SHANK1: variants seen among roughly 807,000 people sequenced by gnomAD.
The protein encoded by SHANK1 is SH3 and multiple ankyrin repeat domains 1.
A neutral mutation model predicts 165.6 loss-of-function variants in SHANK1; 35 were observed. The ratio of observed to expected loss-of-function variants is 0.21; its 90% CI spans 0.16 to 0.28. The LOEUF is 0.28. Ranked by LOEUF, SHANK1 falls within the 10% of genes least tolerant of loss-of-function variation. The pLI, the probability that SHANK1 is intolerant of heterozygous loss-of-function variation, is 1.00. For synonymous variants in SHANK1, 1,428 were observed against 1,384.8 expected (o/e 1.03, Z -0.69); for missense variants, 2,681 against 3,036.4 (o/e 0.88, Z 2.75).
chr19:50,669,442 T>C (rs1426074224), intron 22 of SHANK1, among the ~76,000 whole-genome samples, 157 bp from the exon 23 acceptor site: 1 of 152,054 alleles, frequency 6.6e-6, no homozygotes, highest in Non-Finnish European at 1.5e-5. Context: ...CTATTTGAGG[T>C]AAACCCAAAT....
intron 15 of SHANK1, among the ~76,000 whole-genome samples, chr19:50,695,347 G>T (rs1048663463): frequency 1.3e-5 from 2 of 149,238 alleles, no homozygotes; most frequent in South Asian, 2.1e-4. Context: ...CTCCGGAGGC[G>T]GGCGGCGGGC....
rs1190229166 is a variant in SHANK1 at position 50,719,560 on chromosome 19, GGGGAGGGC to G, written c.-206_-199del. 1 of 146,754 alleles carries G rather than the reference GGGGAGGGC, an allele frequency of 6.8e-6. No homozygotes were observed. The highest frequency in any genetic ancestry group is 1.5e-5 in the Non-Finnish European group (1 of 65,506). 9.1% of individuals were successfully genotyped at this position (146,754 alleles called of 1,614,324 possible). ...GGGGAGGGGGCGGGCGGGGACCGGG[GGGGAGGGC>G]GGGAGGGCCGAGGACCTCACCCCCC... is the stretch of plus-strand genomic sequence containing the variant. On this transcript the variant is annotated 5_prime_UTR_variant, in exon 1 of 24. Coordinates refer to ENST00000293441, the MANE Select transcript of SHANK1 (RefSeq NM_016148.5).
At chr19:50,683,912 G>T (rs971414894) in intron 21 of SHANK1, among the ~76,000 whole-genome samples, 5 of 152,206 alleles carry the variant, frequency 3.3e-5, no homozygotes, top group Non-Finnish European at 5.9e-5. Context: ...TAGAAACTAT[G>T]ACGGACAGGA....
rs757341383 is a variant in SHANK1 at position 50,713,788 on chromosome 19, G to A, written c.792+10C>T. 37 of 1,611,834 alleles carry A rather than the reference G, an allele frequency of 2.3e-5. No homozygotes were observed. Among genetic ancestry groups the A allele is most frequent in the East Asian group, 6.7e-5 (3 of 44,852 alleles). On this transcript the variant is annotated intron_variant, in intron 6 of 23. Transcript: ENST00000293441. The surrounding 1 kb of genome is among the most constrained non-coding windows in gnomAD (Gnocchi z 6.2). ...CCCATGGCGGGGATGGGGGGTCCCCGAAGCCTCACCGTGAGTGCCAGGCAG... is the reference window on the plus strand; with the variant it reads ...CCCATGGCGGGGATGGGGGGTCCCCAAAGCCTCACCGTGAGTGCCAGGCAG...
In SHANK1 at chr19:50,660,722, TGG is replaced by T. The variant is rs796919361; in HGVS notation, c.*1241_*1242del. ...GGCTTCCGGAGAGCACTGAAAATGC[TGG>T]GGGGGGGGGCGCGTGTGCAAAAGCA... On this transcript the variant is annotated 3_prime_UTR_variant, in exon 24 of 24. Coordinates refer to ENST00000293441, the MANE Select transcript of SHANK1 (RefSeq NM_016148.5). 2.0e-4 allele frequency among the ~76,000 whole-genome samples: 11 copies of T among 54,616 alleles called. 1 individual carries two copies. Among genetic ancestry groups the T allele is most frequent in the African/African-American group, 9.6e-4 (11 of 11,496 alleles). The allele number at this position is 54,616 out of a possible 152,430, so 35.8% of individuals were successfully genotyped here.
chr19:50,666,549 G>T lies in SHANK1; in HGVS notation c.5411C>A (p.Ser1804Ter). Residue 1804 changes from serine (S) to a stop codon, truncating the protein, a stop_gained, in exon 23 of 24, where the codon TCA (serine) becomes TAA (stop). Coordinates refer to ENST00000293441, the MANE Select transcript of SHANK1 (RefSeq NM_016148.5). LOFTEE classifies it high-confidence loss of function. ...CGCCACGCCTGCCGTGGGGGGTCCT[G>T]AACAAGCACGCAGGGCCAGCAGCCC... is the stretch of plus-strand genomic sequence containing the variant. Reference protein sequence around the residue: ...TDGLLALRACSGPPTAGVAGG... With the variant: ...TDGLLALRAC 1 of 1,597,352 alleles carries T rather than the reference G, an allele frequency of 6.3e-7. No individual in the cohort carries two copies. The highest frequency in any genetic ancestry group is 1.1e-5 in the South Asian group (1 of 89,010).
intron 15 of SHANK1, among the ~76,000 whole-genome samples, chr19:50,696,225 C>G (rs959092295): frequency 1.2e-4 from 19 of 152,180 alleles, no homozygotes; most frequent in African/African-American, 4.3e-4. Flanking sequence ...CAGAGAGACA[C>G]TGGTAGACAA....
At chr19:50,678,761 A>AGG (rs1568431975) in intron 21 of SHANK1, among the ~76,000 whole-genome samples, 3 of 50,570 alleles carry the variant, frequency 5.9e-5, no homozygotes, top group Non-Finnish European at 3.5e-5. Context: ...TGATGGGGAA[A>AGG]GGTCAGGGTG....
intron 4 of SHANK1, among the ~76,000 whole-genome samples, chr19:50,714,498 C>T (rs1023045122): frequency 1.3e-5 from 2 of 152,000 alleles, no homozygotes; most frequent in African/African-American, 4.8e-5. Context: ...TCGAGACCAG[C>T]CTGAGCAACA....
intron 12 of SHANK1, among the ~76,000 whole-genome samples, chr19:50,701,821 C>T (rs1986924479): frequency 6.6e-6 from 1 of 152,206 alleles, no homozygotes; most frequent in African/African-American, 2.4e-5. Context: ...ACGTCAGCAG[C>T]CCTGCAAAGC....
At chr19:50,687,686 A>G in intron 18 of SHANK1, 24 bp from the exon 19 acceptor site, 1 of 1,466,576 alleles carries the variant, frequency 6.8e-7, no homozygotes, top group Non-Finnish European at 9.0e-7. Flanking sequence ...GAGGGGAGGC[A>G]TCAGTATCAT....
intron 21 of SHANK1, among the ~76,000 whole-genome samples, chr19:50,682,132 T>C (rs1986200575): frequency 6.6e-6 from 1 of 152,090 alleles, no homozygotes; most frequent in Non-Finnish European, 1.5e-5. Context: ...CTCGGCTCAC[T>C]GTAACCTCCA....
At chr19:50,687,523 T>C (rs1007424038) in intron 19 of SHANK1, 59 bp downstream of exon 19, 14 of 1,357,244 alleles carry the variant, frequency 1.0e-5, no homozygotes, top group African/African-American at 2.9e-5. Flanking sequence ...CAAGGGATGG[T>C]CCAGCCCTCC....
chr19:50,685,745 A>G lies in SHANK1; in HGVS notation c.2577+492T>C, dbSNP rs146965590. ...TCTCAAAATAAATAAATAAATAAAT[A>G]AAAATTGAAAAATAAAATAAAATGC... On this transcript the variant is annotated intron_variant, in intron 21 of 23. Transcript: ENST00000293441. Among the ~76,000 whole-genome samples the G allele has an allele frequency of 7.1e-3, 1,076 of 152,168 alleles. 14 individuals are homozygous for G. Among genetic ancestry groups the G allele is most frequent in the African/African-American group, 0.024 (1,007 of 41,500 alleles).
intron 16 of SHANK1, 88 bp downstream of exon 16, chr19:50,689,109 G>C: frequency 1.6e-6 from 2 of 1,219,500 alleles, no homozygotes; most frequent in African/African-American, 3.0e-5. Context: ...GGCGGGCTGG[G>C]GTCCCTTCCC....
At chr19:50,711,631 C>T (rs938311358) in intron 7 of SHANK1, 144 bp from the exon 8 acceptor site, 23 of 696,888 alleles carry the variant, frequency 3.3e-5, no homozygotes, top group Middle Eastern at 3.0e-4. Context: ...AGCCCCGCTT[C>T]CTGCTCTGGG....
At chr19:50,709,398 C>T (rs1317168075) in intron 8 of SHANK1, among the ~76,000 whole-genome samples, 1 of 152,144 alleles carries the variant, frequency 6.6e-6, no homozygotes, top group Non-Finnish European at 1.5e-5. Flanking sequence ...GCCTCGGCCT[C>T]CCAAAGTGCT....
intron 7 of SHANK1, 97 bp downstream of exon 7, chr19:50,711,850 G>A: frequency 7.3e-7 from 1 of 1,370,500 alleles, no homozygotes; most frequent in Non-Finnish European, 1.0e-6. Flanking sequence ...CCCATGCTCT[G>A]TGAGGACCCT....
At chr19:50,676,762 A>G (rs559162069) in intron 21 of SHANK1, among the ~76,000 whole-genome samples, 19 of 152,134 alleles carry the variant, frequency 1.2e-4, no homozygotes, top group Middle Eastern at 3.4e-3. Flanking sequence ...GAAAATGCCA[A>G]TCTTATTTGG....
Sources: allele counts gnomAD v4.1 joint callset (sites outside exome capture counted in the v4.1 genomes callset), GRCh38; gene constraint gnomAD v4.1.1; non-coding constraint Gnocchi (gnomAD v3.1); transcripts MANE v1.5; gene names NCBI Gene and HGNC (gene_info 2026-07-23, HGNC 2026-07-21).